The following NEGR1 variants were observed in gnomAD, a reference collection of about 807,000 sequenced individuals.
NEGR1 encodes the protein neuronal growth regulator 1.
NEGR1 carries 10 observed loss-of-function variants against 40.9 expected under a neutral mutation model. The observed-to-expected ratio is 0.24, with a 90% CI of 0.15 to 0.42. NEGR1 has a LOEUF of 0.42. NEGR1 is among the 10% of genes least tolerant of loss of function. The pLI, the probability that NEGR1 is intolerant of heterozygous loss-of-function variation, is 1.00. For missense variants in NEGR1, 352 were observed against 438.9 expected, an observed-to-expected ratio of 0.80 and a Z score of 1.77; for synonymous variants, 185 against 166.8, an observed-to-expected ratio of 1.11 and a Z score of -0.84.
intron 1 of NEGR1, among the ~76,000 whole-genome samples, chr1:72,260,039 A>G (rs1655404274): frequency 6.6e-6 from 1 of 152,116 alleles, no homozygotes; most frequent in African/African-American, 2.4e-5. Flanking sequence ...TTTACTATGT[A>G]CTGTGCACTG....
chr1:71,483,484 C>T (rs952872075), intron 6 of NEGR1, among the ~76,000 whole-genome samples: 1 of 151,804 alleles, frequency 6.6e-6, no homozygotes, highest in African/African-American at 2.4e-5. Context: ...GGTTAAGCTA[C>T]AATGACTGAA....
At chr1:72,170,609 C>T (rs891483774) in intron 1 of NEGR1, among the ~76,000 whole-genome samples, 2 of 152,098 alleles carry the variant, frequency 1.3e-5, no homozygotes, top group Non-Finnish European at 2.9e-5. Context: ...CCTTGCAAGT[C>T]CTATGTTGAT....
At chr1:71,796,977 A>C (rs2101743052) in intron 2 of NEGR1, among the ~76,000 whole-genome samples, 1 of 152,264 alleles carries the variant, frequency 6.6e-6, no homozygotes, top group East Asian at 1.9e-4. Context: ...TACAGCACAT[A>C]TTTACATAAT....
chr1:71,761,201 C>T (rs1295594396), intron 3 of NEGR1, among the ~76,000 whole-genome samples: 1 of 152,074 alleles, frequency 6.6e-6, no homozygotes, highest in African/African-American at 2.4e-5. Flanking sequence ...TTTTAAAGGA[C>T]CTGATGGTAA....
chr1:71,467,745 A>G (rs1195597319), intron 6 of NEGR1, among the ~76,000 whole-genome samples: 1 of 151,986 alleles, frequency 6.6e-6, no homozygotes, highest in Non-Finnish European at 1.5e-5. Flanking sequence ...AATCATAGCT[A>G]TTTGCCCAAT....
At chr1:71,562,234 A>G (rs976748095) in intron 6 of NEGR1, among the ~76,000 whole-genome samples, 2 of 151,866 alleles carry the variant, frequency 1.3e-5, no homozygotes, top group African/African-American at 4.8e-5. Context: ...CTTTCTTAGT[A>G]GAACTTATTC....
intron 6 of NEGR1, among the ~76,000 whole-genome samples, chr1:71,582,381 T>A (rs1454016986): frequency 6.6e-6 from 1 of 152,192 alleles, no homozygotes; most frequent in Non-Finnish European, 1.5e-5. Flanking sequence ...TACAATCCTA[T>A]ACAGACCCAC....
At chr1:72,023,758 A>G (rs1225338113) in intron 1 of NEGR1, among the ~76,000 whole-genome samples, 3 of 152,100 alleles carry the variant, frequency 2.0e-5, no homozygotes, top group Non-Finnish European at 2.9e-5. Context: ...AATGAACATT[A>G]AAGTGAAAGA....
chr1:71,852,226 T>C (rs1659627442), intron 2 of NEGR1, among the ~76,000 whole-genome samples: 1 of 152,102 alleles, frequency 6.6e-6, no homozygotes, highest in Non-Finnish European at 1.5e-5. Context: ...TGGGACTACA[T>C]GTCACAGGAC....
intron 3 of NEGR1, among the ~76,000 whole-genome samples, chr1:71,769,766 T>A (rs2101710177): frequency 6.6e-6 from 1 of 152,294 alleles, no homozygotes; most frequent in African/African-American, 2.4e-5. Flanking sequence ...ATTAGCAGCG[T>A]GAGAATAAAC....
At chr1:71,568,868 A>G (rs923533410) in intron 6 of NEGR1, among the ~76,000 whole-genome samples, 36 of 113,954 alleles carry the variant, frequency 3.2e-4, no homozygotes, top group East Asian at 9.2e-4. Context: ...GTGTGTGTGT[A>G]TACGTATATA....
chr1:72,207,423 T>C (rs1653450238), intron 1 of NEGR1, among the ~76,000 whole-genome samples: 2 of 151,790 alleles, frequency 1.3e-5, no homozygotes, highest in African/African-American at 2.4e-5. Context: ...ATGAAAGTCT[T>C]CTTTTTATAT....
chr1:72,084,591 T>G (rs6683360), intron 1 of NEGR1, among the ~76,000 whole-genome samples: 2 of 152,198 alleles, frequency 1.3e-5, no homozygotes, highest in African/African-American at 4.8e-5. Flanking sequence ...AGTTTGTTCA[T>G]GGCTGCACCC....
intron 2 of NEGR1, among the ~76,000 whole-genome samples, chr1:71,856,929 T>C (rs1425211002): frequency 6.6e-6 from 1 of 152,072 alleles, no homozygotes; most frequent in Non-Finnish European, 1.5e-5. Flanking sequence ...TATGTTATAA[T>C]AGAAGAAGCA....
At chr1:72,223,141 T>A (rs999202692) in intron 1 of NEGR1, among the ~76,000 whole-genome samples, 3 of 152,186 alleles carry the variant, frequency 2.0e-5, no homozygotes, top group African/African-American at 7.2e-5. Context: ...CCCCTAACCA[T>A]CATTTGCATT....
chr1:71,528,732 GA>G (rs1647274695), intron 6 of NEGR1, among the ~76,000 whole-genome samples: 2 of 151,156 alleles, frequency 1.3e-5, no homozygotes, highest in Non-Finnish European at 3.0e-5. Flanking sequence ...AACATTTGAT[GA>G]TATAGCTGTA....
chr1:72,276,851 T>C (rs763525380), intron 1 of NEGR1, among the ~76,000 whole-genome samples: 1 of 152,082 alleles, frequency 6.6e-6, no homozygotes, highest in Non-Finnish European at 1.5e-5. Context: ...GAGAATTTAA[T>C]GCAGGAAATG....
intron 1 of NEGR1, among the ~76,000 whole-genome samples, chr1:72,028,958 T>C (rs1646834645): frequency 1.3e-5 from 2 of 152,154 alleles, no homozygotes; most frequent in East Asian, 3.9e-4. Flanking sequence ...GCAAAAGAAT[T>C]GAGCACTTGT....
At chr1:71,463,771 A>T (rs2101346924) in intron 6 of NEGR1, among the ~76,000 whole-genome samples, 1 of 152,302 alleles carries the variant, frequency 6.6e-6, no homozygotes, top group South Asian at 2.1e-4. Context: ...TCATAGTTCA[A>T]AAACAAAGCA....
Sources: allele counts gnomAD v4.1 joint callset (sites outside exome capture counted in the v4.1 genomes callset), GRCh38; gene constraint gnomAD v4.1.1; transcripts MANE v1.5; gene names NCBI Gene and HGNC (gene_info 2026-07-23, HGNC 2026-07-21).